LYPD5: variants seen among roughly 807,000 people sequenced by gnomAD.
The protein encoded by LYPD5 is LY6/PLAUR domain containing 5, also known as ly6/PLAUR domain-containing protein 5.
A neutral mutation model predicts 19.1 loss-of-function variants in LYPD5; 21 were observed. That is an observed-to-expected ratio of 1.10 (90% CI 0.78 to 1.58). LYPD5 has a LOEUF of 1.58. LYPD5 is among the 40% of genes most tolerant of loss of function. The probability of loss-of-function intolerance (pLI) is 0.00; values close to 1 mark genes in which losing one functional copy is unlikely to be tolerated. For missense variants in LYPD5, 287 were observed against 329.8 expected (o/e 0.87, Z 1.00); for synonymous variants, 128 against 142.7 (o/e 0.90, Z 0.74).
intron 1 of LYPD5, among the ~76,000 whole-genome samples, chr19:43,801,005 G>A (rs1213310324): frequency 7.8e-5 from 11 of 141,172 alleles, no homozygotes; most frequent in African/African-American, 2.6e-4. Flanking sequence ...GATACAAAAT[G>A]TATAGACCCA....
In LYPD5 at chr19:43,799,826, C is replaced by T. The variant is rs780400120; in HGVS notation, c.73G>A (p.Ala25Thr). ...TGCTCAAAGCTGTAGCACTGCAGGGCTTGGGACCCTGGGGAGAGAGGCGTG... is the reference window on the plus strand; with the variant it reads ...TGCTCAAAGCTGTAGCACTGCAGGGTTTGGGACCCTGGGGAGAGAGGCGTG... ...GAALCLTGSQ[A>T]LQCYSFEHTY... is the part of the protein sequence containing the mutation. Residue 25 changes from alanine to threonine, a missense_variant, in exon 2 of 5, where the codon GCC becomes ACC. By Grantham distance (58) the Ala-to-Thr change is moderately conservative (BLOSUM62 0). Transcript: ENST00000377950. 2.2e-5 allele frequency: 36 copies of T among 1,611,594 alleles called. No homozygotes were observed. Among genetic ancestry groups the T allele is most frequent in the Non-Finnish European group, 3.0e-5 (35 of 1,179,092 alleles).
At chr19:43,814,128 C>A (rs1970349870) in intron 1 of LYPD5, among the ~76,000 whole-genome samples, 1 of 152,154 alleles carries the variant, frequency 6.6e-6, no homozygotes, top group South Asian at 2.1e-4. Flanking sequence ...AGATCCTGAC[C>A]AAACAGAAAG....
In LYPD5 at chr19:43,798,721, A is replaced by C. The variant is rs1970173215; in HGVS notation, c.370+91T>G. Reference sequence around the variant, plus strand: ...CGGGGGTTGGGATCCTAGCGCGCCAAGAGCAGGCGCCCAGCGGAGGCCACG... The same window carrying C: ...CGGGGGTTGGGATCCTAGCGCGCCACGAGCAGGCGCCCAGCGGAGGCCACG... On this transcript the variant is annotated intron_variant, in intron 3 of 4. Transcript: ENST00000377950. 7 of 1,569,648 alleles carry C rather than the reference A, an allele frequency of 4.5e-6. No homozygotes were observed. The East Asian group carries it at 1.6e-4, about 36-fold the overall frequency.
intron 1 of LYPD5, among the ~76,000 whole-genome samples, chr19:43,816,292 T>C (rs953699341): frequency 6.6e-5 from 10 of 152,214 alleles, no homozygotes; most frequent in Non-Finnish European, 1.2e-4. Context: ...CTGTCACTCA[T>C]TTGCATTACT....
chr19:43,815,468 G>C (rs991260251), intron 1 of LYPD5, among the ~76,000 whole-genome samples: 1 of 151,944 alleles, frequency 6.6e-6, no homozygotes, highest in African/African-American at 2.4e-5. Context: ...CAGTTACTCG[G>C]GAGGCTGAGG....
rs567124575 is a variant in LYPD5, at chr19:43,812,697, T to C, written c.-66+7843A>G. Among the ~76,000 whole-genome samples, 6 of 152,292 alleles carry C rather than the reference T, an allele frequency of 3.9e-5. No homozygotes were observed. In the South Asian group the frequency reaches 1.0e-3, roughly 26 times the overall value. Reference sequence around the variant, plus strand: ...AACTAATTAAAATATTTAAAAACATTCATTTTTACCCACAAGGAAATCGTA... The same window carrying C: ...AACTAATTAAAATATTTAAAAACATCCATTTTTACCCACAAGGAAATCGTA... On this transcript the variant is annotated intron_variant, in intron 1 of 4. Coordinates refer to the LYPD5 transcript ENST00000414615.
chr19:43,809,186 C>T (rs952542687), intron 1 of LYPD5, among the ~76,000 whole-genome samples: 10 of 148,340 alleles, frequency 6.7e-5, no homozygotes, highest in African/African-American at 1.0e-4. Context: ...ATTACAGGCG[C>T]CCGCCACTAC....
chr19:43,803,705 T>C (rs1434116538), upstream of LYPD5, among the ~76,000 whole-genome samples: 1 of 136,764 alleles, frequency 7.3e-6, no homozygotes, highest in African/African-American at 2.5e-5. Context: ...ATTTTTTTTA[T>C]TGTTTTTTGG....
Position 43,820,453 on chromosome 19 carries a change from C to A in LYPD5, c.-66+87G>T, listed in dbSNP as rs75790402. ...GGAGACGCCTGACCTCGTTTTGCCC[C>A]ACCCCCTCCCTCAAGTCTTCATACC... On this transcript the variant is annotated intron_variant, in intron 1 of 4. Coordinates refer to the LYPD5 transcript ENST00000414615. 1,454 of 152,170 alleles carry A rather than the reference C, an allele frequency of 9.6e-3. 22 individuals are homozygous for A. The highest frequency in any genetic ancestry group is 0.033 in the African/African-American group (1,373 of 41,412). The allele number at this position is 152,170 out of a possible 1,614,324, so 9.4% of individuals were successfully genotyped here. A position where few individuals can be genotyped will look rare whatever the true frequency, so the allele number is the denominator to read the frequency against.
chr19:43,819,280 CTTCTT>C (rs1970399154), intron 1 of LYPD5, among the ~76,000 whole-genome samples: 1 of 113,662 alleles, frequency 8.8e-6, no homozygotes, highest in African/African-American at 3.1e-5. Flanking sequence ...TCTTCTTCTT[CTTCTT>C]TTTTTTTTTT....
intron 1 of LYPD5, among the ~76,000 whole-genome samples, chr19:43,801,982 G>C (rs1424109537): frequency 6.6e-6 from 1 of 152,138 alleles, no homozygotes; most frequent in Non-Finnish European, 1.5e-5. Context: ...ATTGGGGGTT[G>C]GGCAAGGAAG....
chr19:43,811,256 G>C (rs1030724916), intron 1 of LYPD5, among the ~76,000 whole-genome samples: 4 of 151,520 alleles, frequency 2.6e-5, no homozygotes, highest in Non-Finnish European at 4.4e-5. Flanking sequence ...GGATGACTAT[G>C]ACAGCTTGAG....
At chr19:43,812,370 T>TATCTATCA (rs1436594942) in intron 1 of LYPD5, among the ~76,000 whole-genome samples, 3 of 141,842 alleles carry the variant, frequency 2.1e-5, no homozygotes, top group Non-Finnish European at 4.6e-5. Context: ...TCTATCTATC[T>TATCTATCA]ATCTATCAAT....
chr19:43,813,191 T>G (rs967550788), intron 1 of LYPD5, among the ~76,000 whole-genome samples: 3 of 152,176 alleles, frequency 2.0e-5, no homozygotes, highest in Non-Finnish European at 4.4e-5. Context: ...GCTAGCAGAT[T>G]GGGTACTCAG....
chr19:43,806,714 C>T (rs577487029), upstream of LYPD5, among the ~76,000 whole-genome samples: 3 of 152,168 alleles, frequency 2.0e-5, no homozygotes, highest in African/African-American at 7.2e-5. Context: ...AGGGCTCTCA[C>T]TGATTCTACA....
At chr19:43,800,613 T>A (rs1469767122) in intron 1 of LYPD5, among the ~76,000 whole-genome samples, 1 of 151,986 alleles carries the variant, frequency 6.6e-6, no homozygotes, top group African/African-American at 2.4e-5. Flanking sequence ...GAGGCCACAA[T>A]TATGCGATGT....
At chr19:43,812,110 TG>T (rs1362079743) in intron 1 of LYPD5, among the ~76,000 whole-genome samples, 1 of 152,158 alleles carries the variant, frequency 6.6e-6, no homozygotes, top group East Asian at 1.9e-4. Context: ...CTCCTCCAAA[TG>T]GCTAGCTTGA....
At chr19:43,808,123 T>C (rs1463576185) in intron 1 of LYPD5, among the ~76,000 whole-genome samples, 1 of 152,176 alleles carries the variant, frequency 6.6e-6, no homozygotes, top group Non-Finnish European at 1.5e-5. Context: ...TAAATGCTCT[T>C]TTTTTTGAGA....
At chr19:43,815,722 AT>A (rs1448556693) in intron 1 of LYPD5, 4 of 409,932 alleles carry the variant, frequency 9.8e-6, no homozygotes, top group Admixed American at 2.8e-5. Context: ...ATATATACCC[AT>A]CTATTATTTT....
Sources: allele counts gnomAD v4.1 joint callset (sites outside exome capture counted in the v4.1 genomes callset), GRCh38; gene constraint gnomAD v4.1.1; transcripts MANE v1.5; gene names NCBI Gene and HGNC (gene_info 2026-07-23, HGNC 2026-07-21).